CLEC12A: variants seen among roughly 807,000 people sequenced by gnomAD.
CLEC12A encodes C-type lectin protein CLL-1.
In CLEC12A, 22 loss-of-function variants were observed where a neutral mutation model predicts 26.5. The observed-to-expected ratio is 0.83, with a 90% CI of 0.59 to 1.19. CLEC12A has a LOEUF of 1.19. CLEC12A is among the 50% of genes most tolerant of loss of function. The pLI is 0.00. For synonymous variants in CLEC12A, 119 were observed against 101.9 expected (o/e 1.17, Z -1.01); for missense variants, 353 against 315.6 (o/e 1.12, Z -0.90).
intron 1 of CLEC12A, chr12:9,952,436 C>T (rs1199848254): frequency 9.6e-5 from 15 of 155,538 alleles, no homozygotes; most frequent in Non-Finnish European, 1.6e-4. Flanking sequence ...CTTGGCCTCC[C>T]GAGGTGCCGG....
intron 1 of CLEC12A, among the ~76,000 whole-genome samples, chr12:9,954,278 T>C (rs1304385559): frequency 6.7e-6 from 1 of 149,732 alleles, no homozygotes; most frequent in Non-Finnish European, 1.5e-5. Flanking sequence ...GGCAGATACT[T>C]GAGCCCAGGA....
At chr12:10,005,705 C>T in the CLEC12A span, among the ~76,000 whole-genome samples, 1 of 152,164 alleles carries the variant, frequency 6.6e-6, no homozygotes, top group African/African-American at 2.4e-5. Context: ...GTATATTCAC[C>T]TGATGGGGTA....
chr12:9,988,900 A>G (rs1208384080), downstream of CLEC12A, among the ~76,000 whole-genome samples: 1 of 152,218 alleles, frequency 6.6e-6, no homozygotes, highest in African/African-American at 2.4e-5. Flanking sequence ...GTTGCTATAA[A>G]GACACATGCA....
intron 1 of CLEC12A, among the ~76,000 whole-genome samples, chr12:9,964,770 A>T (rs12230244): frequency 0.33 from 49,961 of 152,074 alleles, 8,907 homozygotes; most frequent in East Asian, 0.46. Context: ...ACTATAGCAT[A>T]GCCTGCCTTT....
intron 1 of CLEC12A, 124 bp downstream of exon 1, chr12:9,971,811 T>A: frequency 1.3e-6 from 1 of 763,000 alleles, no homozygotes; most frequent in Non-Finnish European, 1.9e-6. Context: ...CTCTTATGTT[T>A]AAGCAAAGGA....
chr12:9,999,771 T>G (rs151250537), downstream of CLEC12A, among the ~76,000 whole-genome samples: 189 of 152,308 alleles, frequency 1.2e-3, no homozygotes, highest in African/African-American at 4.1e-3. Flanking sequence ...AATACAGAGT[T>G]GGTGACTTGC....
chr12:9,980,865 A>G (rs1002274315), intron 4 of CLEC12A, 132 bp downstream of exon 4: 2 of 844,564 alleles, frequency 2.4e-6, no homozygotes, highest in African/African-American at 3.4e-5. Context: ...TTGTACACTT[A>G]TCTCAAGATA....
intron 4 of CLEC12A, among the ~76,000 whole-genome samples, chr12:9,981,426 A>G (rs1023953690): frequency 1.4e-4 from 21 of 152,166 alleles, no homozygotes; most frequent in Admixed American, 1.4e-3. Context: ...CTGCTTCCCC[A>G]CAATAAGAAA....
intron 1 of CLEC12A, among the ~76,000 whole-genome samples, chr12:9,977,927 T>C (rs1306134502): frequency 6.6e-6 from 1 of 152,144 alleles, no homozygotes; most frequent in Non-Finnish European, 1.5e-5. Context: ...TGAATACACA[T>C]ATAAATAAGA....
Position 9,985,181 on chromosome 12 carries a change from A to C in CLEC12A, c.*155A>C. On this transcript the variant is annotated 3_prime_UTR_variant, in exon 6 of 6. Coordinates refer to ENST00000304361, the MANE Select transcript of CLEC12A (RefSeq NM_138337.6). ...CATCCAGGTAGCAAGCTTCAGAGAG[A>C]ATAGACTGTGAATGTTAATGCCAGA... The C allele has an allele frequency of 1.3e-6, 1 of 787,984 alleles. No homozygotes were observed. Among genetic ancestry groups the C allele is most frequent in the Non-Finnish European group, 1.8e-6 (1 of 562,514 alleles). 48.8% of individuals were successfully genotyped at this position (787,984 alleles called of 1,614,324 possible).
At chr12:9,961,937 G>C (rs1314391563) in intron 1 of CLEC12A, among the ~76,000 whole-genome samples, 2 of 152,184 alleles carry the variant, frequency 1.3e-5, no homozygotes, top group Non-Finnish European at 2.9e-5. Flanking sequence ...AGGTATGTTT[G>C]TGCTAATAGG....
chr12:10,003,492 A>T, the CLEC12A span, among the ~76,000 whole-genome samples: 1 of 152,226 alleles, frequency 6.6e-6, no homozygotes, highest in South Asian at 2.1e-4. Flanking sequence ...TTGGATTAAG[A>T]TTTACATTAA....
At chr12:9,988,432 A>G (rs1217953061), downstream of CLEC12A, among the ~76,000 whole-genome samples, 1 of 152,222 alleles carries the variant, frequency 6.6e-6, no homozygotes, top group Non-Finnish European at 1.5e-5. Context: ...CAGGCAACCT[A>G]CAAAATGGGA....
intron 5 of CLEC12A, among the ~76,000 whole-genome samples, chr12:9,982,790 C>T (rs1864613842): frequency 6.6e-6 from 1 of 151,980 alleles, no homozygotes; most frequent in Non-Finnish European, 1.5e-5. Flanking sequence ...TATTTTCTTC[C>T]CACCCTCCTA....
chr12:9,999,486 G>A (rs1865129555), downstream of CLEC12A, among the ~76,000 whole-genome samples: 1 of 152,100 alleles, frequency 6.6e-6, no homozygotes, highest in African/African-American at 2.4e-5. Flanking sequence ...TTGCTCAAAT[G>A]AGAGATTTCT....
At chr12:9,975,915 C>G (rs1307639296) in intron 1 of CLEC12A, among the ~76,000 whole-genome samples, 1 of 152,206 alleles carries the variant, frequency 6.6e-6, no homozygotes, top group Non-Finnish European at 1.5e-5. Context: ...GGCTAAGGTA[C>G]AGCTCAGGTC....
the CLEC12A span, among the ~76,000 whole-genome samples, chr12:10,002,667 C>G: frequency 6.6e-6 from 1 of 152,048 alleles, no homozygotes; most frequent in African/African-American, 2.4e-5. Flanking sequence ...TGATCTCGAT[C>G]TCCTGACCTC....
chr12:9,976,801 G>A (rs377329889), intron 1 of CLEC12A, among the ~76,000 whole-genome samples: 10 of 152,256 alleles, frequency 6.6e-5, no homozygotes, highest in South Asian at 6.2e-4. Flanking sequence ...GAGGGACCTC[G>A]TGGGAGGTAA....
At chr12:9,957,345 G>T (rs1462271204) in intron 1 of CLEC12A, among the ~76,000 whole-genome samples, 1 of 152,038 alleles carries the variant, frequency 6.6e-6, no homozygotes, top group Admixed American at 6.5e-5. Context: ...AAAATTAGCT[G>T]GGTGTGGTGG....
Sources: allele counts gnomAD v4.1 joint callset (sites outside exome capture counted in the v4.1 genomes callset), GRCh38; gene constraint gnomAD v4.1.1; transcripts MANE v1.5; gene names NCBI Gene and HGNC (gene_info 2026-07-23, HGNC 2026-07-21).